Variants in RNF13 observed in about 807,000 individuals in gnomAD.
The protein encoded by RNF13 is E3 ubiquitin-protein ligase RNF13.
Under a neutral mutation model 37.7 loss-of-function variants are expected in RNF13, and 19 were observed. The observed-to-expected ratio is 0.50, with a 90% CI of 0.35 to 0.74. RNF13 has a LOEUF of 0.74. Ranked by LOEUF, RNF13 falls within the 30% of genes least tolerant of loss-of-function variation. The pLI is 0.01. For missense variants in RNF13, 375 were observed against 453.0 expected, an observed-to-expected ratio of 0.83 and a Z score of 1.56; for synonymous variants, 144 against 157.8, an observed-to-expected ratio of 0.91 and a Z score of 0.65.
At chr3:149,828,645 T>G (rs1345248812) in intron 1 of RNF13, among the ~76,000 whole-genome samples, 1 of 152,186 alleles carries the variant, frequency 6.6e-6, no homozygotes, top group African/African-American at 2.4e-5. Flanking sequence ...ATGAAGTCTG[T>G]TTTTCTTAGC....
chr3:149,928,873 C>T (rs1718909159), intron 8 of RNF13, among the ~76,000 whole-genome samples: 1 of 152,086 alleles, frequency 6.6e-6, no homozygotes, highest in Admixed American at 6.6e-5. Flanking sequence ...ATGTAATTTT[C>T]AGTCTATAAG....
chr3:149,838,165 C>T (rs1425333467), intron 1 of RNF13, among the ~76,000 whole-genome samples: 1 of 152,228 alleles, frequency 6.6e-6, no homozygotes, highest in Non-Finnish European at 1.5e-5. Flanking sequence ...GGCAGCTCCT[C>T]CCTGGTGGCT....
In RNF13 at chr3:149,928,243, C is replaced by T. The variant is rs183861229; in HGVS notation, c.700+7016C>T. ...ACCTTATGTCATATCTAAGAATACA[C>T]TGTCAAATCTAAGGTCATAAAGATT... On this transcript the variant is annotated intron_variant, in intron 8 of 9. Coordinates refer to ENST00000392894, the MANE Select transcript of RNF13 (RefSeq NM_183381.3). Among the ~76,000 whole-genome samples the T allele has an allele frequency of 2.1e-3, 323 of 152,114 alleles. 2 individuals are homozygous for T. Among genetic ancestry groups the T allele is most frequent in the African/African-American group, 7.6e-3 (316 of 41,512 alleles).
chr3:149,899,256 G>GGCAA (rs1278832734), intron 5 of RNF13, among the ~76,000 whole-genome samples: 3 of 152,136 alleles, frequency 2.0e-5, no homozygotes, highest in Non-Finnish European at 4.4e-5. Context: ...GACCAACCTT[G>GGCAA]GCAACATTGT....
chr3:149,953,646 A>T (rs2108607697), intron 8 of RNF13, among the ~76,000 whole-genome samples: 1 of 152,328 alleles, frequency 6.6e-6, no homozygotes, highest in East Asian at 1.9e-4. Context: ...CTAGGAGGCA[A>T]TATAATACAA....
chr3:149,932,488 C>A (rs569964935), intron 8 of RNF13, among the ~76,000 whole-genome samples: 53 of 152,226 alleles, frequency 3.5e-4, no homozygotes, highest in South Asian at 2.1e-3. Flanking sequence ...CCCGTAAAAT[C>A]AAAAACAAAT....
At chr3:149,879,511 T>A (rs2108457794) in intron 4 of RNF13, among the ~76,000 whole-genome samples, 1 of 152,136 alleles carries the variant, frequency 6.6e-6, no homozygotes, top group South Asian at 2.1e-4. Context: ...TCTTGTTATG[T>A]TGCTCAGACT....
intron 8 of RNF13, among the ~76,000 whole-genome samples, chr3:149,950,269 C>T (rs1007813337): frequency 9.5e-6 from 1 of 105,814 alleles, no homozygotes; most frequent in African/African-American, 3.0e-5. Flanking sequence ...TTCCAACATT[C>T]CTGCCATATC....
Position 149,845,991 on chromosome 3 carries a change from C to T in RNF13, c.-16-20C>T, listed in dbSNP as rs757890999. 5.8e-6 allele frequency: 8 copies of T among 1,376,886 alleles called. No homozygotes were observed. The East Asian group carries it at 9.2e-5, about 16-fold the overall frequency. The allele number at this position is 1,376,886 out of a possible 1,614,324, so 85.3% of individuals were successfully genotyped here. A position where few individuals can be genotyped will look rare whatever the true frequency, so the allele number is the denominator to read the frequency against. On this transcript the variant is annotated intron_variant, in intron 1 of 9. Transcript: ENST00000392894. ...GGGACAAAGCACCAGCTCTCAGTTA[C>T]TCACATCCTTGTCTTCCAGGTGATT...
intron 1 of RNF13, among the ~76,000 whole-genome samples, chr3:149,829,659 ATTG>A (rs958080621): frequency 8.5e-5 from 13 of 152,164 alleles, no homozygotes; most frequent in African/African-American, 3.1e-4. Flanking sequence ...AAGCCCTATT[ATTG>A]TTGTTTTTGT....
intron 5 of RNF13, among the ~76,000 whole-genome samples, chr3:149,897,515 A>G (rs1312457724): frequency 2.0e-5 from 3 of 152,228 alleles, no homozygotes; most frequent in South Asian, 2.1e-4. Context: ...AGTAGCACAC[A>G]ACCATATAAG....
At chr3:149,925,977 C>T (rs1283052403) in intron 8 of RNF13, among the ~76,000 whole-genome samples, 4 of 152,136 alleles carry the variant, frequency 2.6e-5, no homozygotes, top group Admixed American at 1.3e-4. Context: ...TATCTGTTCA[C>T]ATTATTTGCC....
chr3:149,900,248 C>CAAAAG (rs1715679914), intron 5 of RNF13, among the ~76,000 whole-genome samples: 1 of 152,026 alleles, frequency 6.6e-6, no homozygotes, highest in Non-Finnish European at 1.5e-5. Flanking sequence ...AAAGTTATTC[C>CAAAAG]TTGAGTTTGT....
intron 4 of RNF13, among the ~76,000 whole-genome samples, chr3:149,880,618 AGAC>A (rs1291160442): frequency 6.6e-6 from 1 of 152,206 alleles, no homozygotes. Context: ...TGGGAAAAAA[AGAC>A]GAATGTAATT....
intron 3 of RNF13, among the ~76,000 whole-genome samples, chr3:149,866,176 A>G (rs1724803948): frequency 6.6e-6 from 1 of 152,236 alleles, no homozygotes; most frequent in African/African-American, 2.4e-5. Flanking sequence ...CACACAAGAA[A>G]GAATTCAGGA....
chr3:149,916,186 A>T (rs945504854), intron 7 of RNF13, among the ~76,000 whole-genome samples: 1 of 152,056 alleles, frequency 6.6e-6, no homozygotes, highest in African/African-American at 2.4e-5. Context: ...TCATAGTTAT[A>T]TAGACATTCA....
chr3:149,879,425 C>T (rs999911758), intron 4 of RNF13, among the ~76,000 whole-genome samples: 3 of 151,464 alleles, frequency 2.0e-5, no homozygotes, highest in African/African-American at 4.9e-5. Flanking sequence ...CCTTCCACCT[C>T]AGCCTCCCAA....
rs1295979897 is a variant in RNF13, at chr3:149,867,613, A to G, written c.196-4416A>G. On this transcript the variant is annotated intron_variant, in intron 3 of 9. Coordinates refer to ENST00000392894, the MANE Select transcript of RNF13 (RefSeq NM_183381.3). ...GATGATTTGTAGTCTGTTTTATCTG[A>G]TGTAAGTATAGCTACTACTGGAATT... is the stretch of plus-strand genomic sequence containing the variant. 2.0e-5 allele frequency among the ~76,000 whole-genome samples: 3 copies of G among 151,750 alleles called. 1 individual carries two copies. The highest frequency in any genetic ancestry group is 1.5e-5 in the Non-Finnish European group (1 of 67,838).
chr3:149,813,702 G>C (rs1395460032), intron 1 of RNF13: 4 of 152,224 alleles, frequency 2.6e-5, no homozygotes, highest in Admixed American at 2.6e-4. Flanking sequence ...AACGTCCTCG[G>C]GCACATCGCT....
Sources: gnomAD v4.1 joint callset for allele counts (sites outside exome capture counted in the v4.1 genomes callset) on GRCh38, gnomAD v4.1.1 for gene constraint, MANE v1.5 for transcripts, NCBI Gene and HGNC (gene_info 2026-07-23, HGNC 2026-07-21) for gene names.